The following MFHAS1 variants were observed in gnomAD, a reference collection of about 807,000 sequenced individuals.
The protein encoded by MFHAS1 is malignant fibrous histiocytoma-amplified sequence 1.
Under a neutral mutation model 70.4 loss-of-function variants are expected in MFHAS1, and 50 were observed. That is an observed-to-expected ratio of 0.71 (90% CI 0.57 to 0.90). The LOEUF is 0.90. MFHAS1 is among the 40% of genes least tolerant of loss of function. The probability of loss-of-function intolerance (pLI) is 0.00; values close to 1 mark genes in which losing one functional copy is unlikely to be tolerated. For synonymous variants in MFHAS1, 952 were observed against 620.0 expected, an observed-to-expected ratio of 1.54 and a Z score of -7.96; for missense variants, 1,795 against 1,347.6, an observed-to-expected ratio of 1.33 and a Z score of -5.20.
rs892448998 is a variant in MFHAS1 at position 8,893,577 on chromosome 8, C to T, written c.-519G>A. 3.4e-5 allele frequency: 5 copies of T among 146,282 alleles called. No homozygotes were observed. Among genetic ancestry groups the T allele is most frequent in the Non-Finnish European group, 3.0e-5 (2 of 65,780 alleles). 9.1% of individuals were successfully genotyped at this position (146,282 alleles called of 1,614,324 possible). A position where few individuals can be genotyped will look rare whatever the true frequency, so the allele number is the denominator to read the frequency against. On this transcript the variant is annotated 5_prime_UTR_variant, in exon 1 of 3. Transcript: ENST00000276282. ...TTGTCTCCGTTTCCCCGGGCTCGGG[C>T]GGGAGCGCGGGCGCCGCGTCCCCGG...
chr8:8,833,059 T>C (rs1427565530), intron 1 of MFHAS1, among the ~76,000 whole-genome samples: 1 of 151,996 alleles, frequency 6.6e-6, no homozygotes, highest in South Asian at 2.1e-4. Flanking sequence ...AGCAGGTGTC[T>C]TACATGGCAG....
intron 1 of MFHAS1, among the ~76,000 whole-genome samples, chr8:8,825,693 A>C (rs1807132533): frequency 6.6e-6 from 1 of 152,136 alleles, no homozygotes; most frequent in Non-Finnish European, 1.5e-5. Flanking sequence ...TAATGACCTC[A>C]TTGAACCATA....
chr8:8,853,777 G>C (rs1169774892), intron 1 of MFHAS1, among the ~76,000 whole-genome samples: 1 of 152,094 alleles, frequency 6.6e-6, no homozygotes, highest in Non-Finnish European at 1.5e-5. Flanking sequence ...TGTTGGGCAG[G>C]CTAGTCTCGA....
chr8:8,865,255 T>G (rs1024637743), intron 1 of MFHAS1, among the ~76,000 whole-genome samples: 18 of 120,046 alleles, frequency 1.5e-4, no homozygotes, highest in Non-Finnish European at 2.4e-4. Flanking sequence ...CAACCCTGGA[T>G]GACAGAGTGA....
intron 1 of MFHAS1, among the ~76,000 whole-genome samples, chr8:8,869,236 G>T (rs1283492162): frequency 6.6e-6 from 1 of 152,120 alleles, no homozygotes; most frequent in Non-Finnish European, 1.5e-5. Flanking sequence ...GAACAGGATA[G>T]CAAAACCCGA....
intron 1 of MFHAS1, among the ~76,000 whole-genome samples, chr8:8,866,322 T>G (rs1252150494): frequency 1.3e-5 from 2 of 151,760 alleles, no homozygotes; most frequent in Non-Finnish European, 2.9e-5. Context: ...TTTTTTGTTT[T>G]TTTTTTTTTC....
intron 1 of MFHAS1, among the ~76,000 whole-genome samples, chr8:8,814,853 T>A (rs932735237): frequency 5.5e-5 from 8 of 145,872 alleles, no homozygotes. Context: ...GAATTTCTTT[T>A]TTTTTTTTTT....
In MFHAS1 at chr8:8,875,063, G is replaced by A. The variant is rs77736342; in HGVS notation, c.2998+14998C>T. Among the ~76,000 whole-genome samples, 219 of 152,250 alleles carry A rather than the reference G, an allele frequency of 1.4e-3. 2 individuals are homozygous for A. The highest frequency in any genetic ancestry group is 5.1e-3 in the African/African-American group (210 of 41,540). Reference sequence around the variant, plus strand: ...CAGTGACATATTGTTTCCATTAAACGGTAGTGCATTTTATAGATGATACCC... The same window carrying A: ...CAGTGACATATTGTTTCCATTAAACAGTAGTGCATTTTATAGATGATACCC... On this transcript the variant is annotated intron_variant, in intron 1 of 2. Coordinates refer to ENST00000276282, the MANE Select transcript of MFHAS1 (RefSeq NM_004225.3).
rs1210607282 is a variant in MFHAS1 at position 8,785,290 on chromosome 8, G to C, written c.*732C>G. ...TATAGGCAGGGACCTTCATTGAAAAGAAGGGAAGGGACACTGTCTTAAATG... is the reference window on the plus strand; with the variant it reads ...TATAGGCAGGGACCTTCATTGAAAACAAGGGAAGGGACACTGTCTTAAATG... On this transcript the variant is annotated 3_prime_UTR_variant, in exon 3 of 3. Transcript: ENST00000276282. 6.6e-6 allele frequency: 1 copy of C among 152,124 alleles called. No homozygotes were observed. The highest frequency in any genetic ancestry group is 1.5e-5 in the Non-Finnish European group (1 of 68,022). 9.4% of individuals were successfully genotyped at this position (152,124 alleles called of 1,614,324 possible). A position where few individuals can be genotyped will look rare whatever the true frequency, so the allele number is the denominator to read the frequency against.
chr8:8,796,503 G>T (rs1194710100), intron 2 of MFHAS1, among the ~76,000 whole-genome samples: 1 of 150,974 alleles, frequency 6.6e-6, no homozygotes. Flanking sequence ...CTAACAGGGT[G>T]AAACCCCGTC....
chr8:8,877,914 C>A (rs1466006881), intron 1 of MFHAS1, among the ~76,000 whole-genome samples: 2 of 152,226 alleles, frequency 1.3e-5, no homozygotes, highest in African/African-American at 4.8e-5. Flanking sequence ...CAAAACGCAT[C>A]TGTGCCCACA....
intron 1 of MFHAS1, among the ~76,000 whole-genome samples, chr8:8,857,984 G>A (rs1038966126): frequency 6.6e-6 from 1 of 152,160 alleles, no homozygotes; most frequent in Non-Finnish European, 1.5e-5. Flanking sequence ...GAAAATCCAA[G>A]ATGATTCAAA....
chr8:8,794,596 C>T (rs35834644), intron 2 of MFHAS1, among the ~76,000 whole-genome samples: 23,445 of 152,204 alleles, frequency 0.15, 2,185 homozygotes, highest in Middle Eastern at 0.22. Context: ...ATCATTTACC[C>T]CTTGCAGCTG....
intron 1 of MFHAS1, 29 bp from the exon 2 acceptor site, chr8:8,797,520 G>C (rs112521902): frequency 5.6e-6 from 9 of 1,602,904 alleles, no homozygotes; most frequent in Non-Finnish European, 6.8e-6. Context: ...AAACGTGTTA[G>C]GGAGATGTGC....
chr8:8,817,881 G>A (rs1806806744), intron 1 of MFHAS1, among the ~76,000 whole-genome samples: 1 of 152,178 alleles, frequency 6.6e-6, no homozygotes, highest in African/African-American at 2.4e-5. Flanking sequence ...AGGCAGAAAT[G>A]TGAGCTACGG....
intron 2 of MFHAS1, among the ~76,000 whole-genome samples, chr8:8,797,149 G>T (rs1370000806): frequency 1.7e-5 from 1 of 58,022 alleles, no homozygotes; most frequent in African/African-American, 7.0e-5. Context: ...ATTAGCTAAA[G>T]TAAAAAAAAA....
rs138161998 is a variant in MFHAS1, at chr8:8,841,303, C to T, written c.2999-43812G>A. Among the ~76,000 whole-genome samples the T allele has an allele frequency of 8.5e-3, 1,282 of 151,052 alleles. 11 individuals are homozygous for T. Among genetic ancestry groups the T allele is most frequent in the Non-Finnish European group, 0.013 (844 of 67,246 alleles). Reference sequence around the variant, plus strand: ...CAGCCTGGCCAACATAGTGAAACCCCATCTCTACTAAAAATACAAAAATGA... The same window carrying T: ...CAGCCTGGCCAACATAGTGAAACCCTATCTCTACTAAAAATACAAAAATGA... On this transcript the variant is annotated intron_variant, in intron 1 of 2. Coordinates refer to ENST00000276282, the MANE Select transcript of MFHAS1 (RefSeq NM_004225.3).
chr8:8,871,219 T>A (rs570546720), intron 1 of MFHAS1, among the ~76,000 whole-genome samples: 1 of 152,252 alleles, frequency 6.6e-6, no homozygotes, highest in African/African-American at 2.4e-5. Flanking sequence ...ATGATGGTAA[T>A]CAGAGCTAAT....
At chr8:8,831,315 A>G (rs1156537043) in intron 1 of MFHAS1, among the ~76,000 whole-genome samples, 3 of 152,118 alleles carry the variant, frequency 2.0e-5, no homozygotes, top group Non-Finnish European at 4.4e-5. Flanking sequence ...AAGCAATGCC[A>G]ACTTTGAAAA....
Sources: gnomAD v4.1 joint callset for allele counts (sites outside exome capture counted in the v4.1 genomes callset) on GRCh38, gnomAD v4.1.1 for gene constraint, MANE v1.5 for transcripts, NCBI Gene and HGNC (gene_info 2026-07-23, HGNC 2026-07-21) for gene names.